The following GSN variants were observed in gnomAD, a reference collection of about 807,000 sequenced individuals.
GSN encodes the protein actin-depolymerizing factor.
A neutral mutation model predicts 85.7 loss-of-function variants in GSN; 56 were observed. The ratio of observed to expected loss-of-function variants is 0.65; its 90% confidence interval spans 0.53 to 0.82. The LOEUF is 0.82. GSN is among the 40% of genes least tolerant of loss of function. The pLI is 0.00. For missense variants in GSN, 857 were observed against 979.8 expected (o/e 0.87, Z 1.67); for synonymous variants, 373 against 399.1 (o/e 0.93, Z 0.78).
Position 121,216,518 on chromosome 9 carries a change from C to T in GSN, c.-528+5651C>T, listed in dbSNP as rs1475628186. ...TTGCTATATTTCCCCCAGAAACAGT[C>T]CCTAACTCTCCTACCTGCCTGCTTT... On this transcript the variant is annotated intron_variant, in intron 4 of 24. Transcript: ENST00000373823. Among the ~76,000 whole-genome samples the T allele has an allele frequency of 2.0e-5, 3 of 152,214 alleles. No individual in the cohort carries two copies. In the East Asian group the frequency reaches 5.8e-4, roughly 29 times the overall value.
Position 121,318,341 on chromosome 9 carries a change from A to G in GSN, c.887-65A>G. The G allele has an allele frequency of 7.8e-7, 1 of 1,283,626 alleles. No homozygotes were observed. The highest frequency in any genetic ancestry group is 1.1e-6 in the Non-Finnish European group (1 of 878,500). The allele number at this position is 1,283,626 out of a possible 1,614,324, so 79.5% of individuals were successfully genotyped here. The stretch of plus-strand genomic sequence containing the variant: ...TGGCAGCTCCTTCTCCTGGACTGTT[A>G]AAGGTCAGGATGCAGCAGGATCCCG... On this transcript the variant is annotated intron_variant, in intron 8 of 17. Transcript: ENST00000432226. The surrounding 1 kb of genome is among the most constrained non-coding windows in gnomAD (Gnocchi z 4.3).
At chr9:121,285,754 C>T (rs779855365) in intron 2 of GSN, among the ~76,000 whole-genome samples, 19 of 152,242 alleles carry the variant, frequency 1.2e-4, no homozygotes, top group Admixed American at 9.2e-4. Flanking sequence ...TCATGTCCCA[C>T]CTCCCTAATT....
intron 14 of GSN, among the ~76,000 whole-genome samples, chr9:121,328,503 G>A (rs1049312382): frequency 1.3e-5 from 2 of 152,186 alleles, no homozygotes; most frequent in African/African-American, 4.8e-5. Context: ...AAAGAGTATA[G>A]GTGTTAGAAT....
At chr9:121,272,392 T>C (rs2056107308) in intron 1 of GSN, among the ~76,000 whole-genome samples, 6 of 152,230 alleles carry the variant, frequency 3.9e-5, no homozygotes, top group Admixed American at 3.9e-4. Context: ...TGCCTTTCTC[T>C]GGGCCCCAGT....
intron 11 of GSN, among the ~76,000 whole-genome samples, chr9:121,323,874 A>AT (rs368240344): frequency 6.6e-4 from 100 of 150,840 alleles, no homozygotes; most frequent in African/African-American, 1.7e-3. Flanking sequence ...AAACAGCTTA[A>AT]TTTTTTTTTT....
intron 2 of GSN, among the ~76,000 whole-genome samples, chr9:121,296,644 C>T (rs1014447739): frequency 4.6e-5 from 7 of 152,184 alleles, no homozygotes; most frequent in African/African-American, 1.7e-4. Context: ...AGTGTCAGAG[C>T]CAGCCCTAGC....
intron 1 of GSN, among the ~76,000 whole-genome samples, chr9:121,279,629 T>C (rs924819398): frequency 6.6e-6 from 1 of 151,920 alleles, no homozygotes; most frequent in Non-Finnish European, 1.5e-5. Flanking sequence ...GGGTGGATGG[T>C]GGATGGTGGA....
chr9:121,266,026 CATT>C (rs762872195), upstream of GSN, among the ~76,000 whole-genome samples: 9 of 152,342 alleles, frequency 5.9e-5, no homozygotes, highest in East Asian at 1.9e-4. Flanking sequence ...TCATCATCAT[CATT>C]ATCTTCATTA....
chr9:121,317,546 G>A (rs1440092321), intron 8 of GSN: 1 of 357,008 alleles, frequency 2.8e-6, no homozygotes, highest in Non-Finnish European at 5.4e-6. Flanking sequence ...AAATTCATGG[G>A]CAACAGTGGA....
chr9:121,238,734 TAGAC>T (rs1180031145), intron 5 of GSN: 1 of 435,514 alleles, frequency 2.3e-6, no homozygotes. Context: ...CAAAGTCTCA[TAGAC>T]AGTGTGATTT....
intron 2 of GSN, chr9:121,286,648 C>G: frequency 1.3e-6 from 2 of 1,534,022 alleles, no homozygotes; most frequent in Non-Finnish European, 1.7e-6. Context: ...TTTGTGTGCC[C>G]TCTGGGCCGG....
intron 4 of GSN, 31 bp from the exon 5 acceptor site, chr9:121,310,653 C>G (rs1436916914): frequency 6.2e-7 from 1 of 1,611,932 alleles, no homozygotes; most frequent in African/African-American, 1.3e-5. Context: ...GCCTTCTCCC[C>G]TGGGCTAATG....
At chr9:121,211,249 C>T (rs1228267239) in intron 4 of GSN, among the ~76,000 whole-genome samples, 2 of 152,026 alleles carry the variant, frequency 1.3e-5, no homozygotes, top group African/African-American at 4.8e-5. Context: ...ATAGTGGTGG[C>T]GGTTATACAA....
At chr9:121,204,490 T>C (rs191746026), upstream of GSN, among the ~76,000 whole-genome samples, 148 of 152,330 alleles carry the variant, frequency 9.7e-4, 7 homozygotes, top group Non-Finnish European at 2.6e-4. Flanking sequence ...AGGAATGCAA[T>C]TAAAAAACAG....
At chr9:121,228,422 ATATTTTTT>A (rs1470542641) in intron 4 of GSN, among the ~76,000 whole-genome samples, 16 of 58,186 alleles carry the variant, frequency 2.7e-4, no homozygotes, top group Admixed American at 1.1e-3. Flanking sequence ...ATATATATAT[ATATTTTTT>A]TTTTTTTTTT....
Position 121,326,602 on chromosome 9 carries a change from G to T in GSN, c.1507G>T (p.Glu503Ter). 5.0e-6 allele frequency: 8 copies of T among 1,610,336 alleles called. No homozygotes were observed. Among genetic ancestry groups the T allele is most frequent in the Non-Finnish European group, 5.9e-6 (7 of 1,178,100 alleles). ...MIIYKGGTSR[E>*]GGQTAPASTR... is the part of the protein sequence containing the mutation. Reference sequence around the variant, plus strand: ...CATCTACAAGGGCGGCACCTCCCGCGAGGGCGGGCAGACAGCCCCTGCCAG... The same window carrying T: ...CATCTACAAGGGCGGCACCTCCCGCTAGGGCGGGCAGACAGCCCCTGCCAG... Residue 503 changes from glutamate to a stop codon, truncating the protein, a stop_gained, in exon 13 of 18, where the codon GAG (glutamate) becomes TAG (stop). Transcript: ENST00000432226. LOFTEE classifies it high-confidence loss of function.
intron 2 of GSN, among the ~76,000 whole-genome samples, chr9:121,289,489 G>A (rs967108922): frequency 6.6e-6 from 1 of 152,344 alleles, no homozygotes; most frequent in South Asian, 2.1e-4. Context: ...TTAGGAGAGA[G>A]AGAACCTGCT....
intron 6 of GSN, among the ~76,000 whole-genome samples, chr9:121,260,673 T>C (rs1332756408): frequency 6.6e-6 from 1 of 152,166 alleles, no homozygotes; most frequent in Non-Finnish European, 1.5e-5. Context: ...CAATGGAGAC[T>C]CAGAGGAGTG....
intron 2 of GSN, among the ~76,000 whole-genome samples, chr9:121,288,685 A>G (rs1173783065): frequency 6.6e-6 from 1 of 152,076 alleles, no homozygotes. Context: ...CTCCCTAAAC[A>G]TCATCCTGTC....
Sources: gnomAD v4.1 joint callset for allele counts (sites outside exome capture counted in the v4.1 genomes callset) on GRCh38, gnomAD v4.1.1 for gene constraint, Gnocchi (gnomAD v3.1) non-coding constraint, MANE v1.5 for transcripts, NCBI Gene and HGNC (gene_info 2026-07-23, HGNC 2026-07-21) for gene names.